The following PTPRD variants were observed in gnomAD, a reference collection of about 807,000 sequenced individuals.
PTPRD encodes receptor-type tyrosine-protein phosphatase delta.
Under a neutral mutation model 214.5 loss-of-function variants are expected in PTPRD, and 34 were observed. The observed-to-expected ratio is 0.16, with a 90% CI of 0.12 to 0.21. The LOEUF is 0.21. Among genes scored for constraint, PTPRD ranks in the 10% least tolerant of loss-of-function variants. The pLI is 1.00. For missense variants in PTPRD, 2,545 were observed against 2,398.7 expected, an observed-to-expected ratio of 1.06 and a Z score of -1.27; for synonymous variants, 1,128 against 845.7, an observed-to-expected ratio of 1.33 and a Z score of -5.79.
At chr9:10,567,177 T>C (rs2065890283) in intron 2 of PTPRD, among the ~76,000 whole-genome samples, 1 of 152,050 alleles carries the variant, frequency 6.6e-6, no homozygotes, top group Non-Finnish European at 1.5e-5. Flanking sequence ...ATACACTAAG[T>C]AATCTTTATA....
intron 37 of PTPRD, among the ~76,000 whole-genome samples, chr9:8,377,611 T>C (rs1401282041): frequency 1.3e-5 from 2 of 152,102 alleles, no homozygotes; most frequent in African/African-American, 4.8e-5. Context: ...TCAGACTTTT[T>C]TTTAATGGGA....
At chr9:10,583,011 T>C (rs1460421893) in intron 2 of PTPRD, among the ~76,000 whole-genome samples, 1 of 152,216 alleles carries the variant, frequency 6.6e-6, no homozygotes, top group East Asian at 1.9e-4. Flanking sequence ...ATTAGGCTAA[T>C]CTATAATTCA....
intron 11 of PTPRD, among the ~76,000 whole-genome samples, chr9:8,856,653 T>G (rs2097920903): frequency 6.6e-6 from 1 of 152,156 alleles, no homozygotes; most frequent in African/African-American, 2.4e-5. Flanking sequence ...CTGAGAATTT[T>G]AGAAAACGGA....
intron 3 of PTPRD, among the ~76,000 whole-genome samples, chr9:10,203,484 A>G (rs1345765023): frequency 2.6e-5 from 4 of 152,070 alleles, no homozygotes; most frequent in Non-Finnish European, 2.9e-5. Flanking sequence ...TGAAGCAGAA[A>G]CTTGAATGTT....
At chr9:8,375,054 A>G (rs1278537467) in intron 39 of PTPRD, among the ~76,000 whole-genome samples, 1 of 151,868 alleles carries the variant, frequency 6.6e-6, no homozygotes, top group Non-Finnish European at 1.5e-5. Context: ...CCAGACTTCT[A>G]TTTTACTTAT....
chr9:8,558,043 C>T (rs940531094), intron 14 of PTPRD, among the ~76,000 whole-genome samples: 40 of 152,056 alleles, frequency 2.6e-4, no homozygotes, highest in Non-Finnish European at 5.0e-4. Flanking sequence ...ATTTCTGCTA[C>T]AATAAGTGAG....
intron 8 of PTPRD, among the ~76,000 whole-genome samples, chr9:9,437,744 G>A (rs1325822433): frequency 2.6e-5 from 4 of 152,136 alleles, no homozygotes; most frequent in Non-Finnish European, 5.9e-5. Flanking sequence ...GATTTGACAC[G>A]GGACTGAGAT....
chr9:10,351,137 G>A (rs927335615), intron 2 of PTPRD, among the ~76,000 whole-genome samples: 7 of 152,012 alleles, frequency 4.6e-5, no homozygotes, highest in Non-Finnish European at 8.8e-5. Context: ...TAAAATTTGA[G>A]GCATTAAGCA....
chr9:10,136,009 C>T lies in PTPRD; in HGVS notation c.-544-102219G>A, dbSNP rs1477882151. Among the ~76,000 whole-genome samples, 4 of 151,160 alleles carry T rather than the reference C, an allele frequency of 2.6e-5. No individual in the cohort carries two copies. The East Asian group carries it at 7.8e-4, about 29-fold the overall frequency. On this transcript the variant is annotated intron_variant, in intron 3 of 45. Coordinates refer to ENST00000381196, the MANE Select transcript of PTPRD (RefSeq NM_002839.4). ...GAGACCCACGTCATATGTAATGACA[C>T]CCACAGGCTGAAAGAAAAGAAATGG...
chr9:10,162,408 CTG>C (rs2099132665), intron 3 of PTPRD, among the ~76,000 whole-genome samples: 1 of 150,864 alleles, frequency 6.6e-6, no homozygotes, highest in African/African-American at 2.4e-5. Flanking sequence ...ATTAATGAAA[CTG>C]TATATCATTA....
At chr9:8,988,257 C>T (rs900581780) in intron 11 of PTPRD, among the ~76,000 whole-genome samples, 1 of 152,034 alleles carries the variant, frequency 6.6e-6, no homozygotes, top group African/African-American at 2.4e-5. Flanking sequence ...AATTTCAGGT[C>T]ATTTAATATC....
Position 10,292,844 on chromosome 9 carries a change from G to A in PTPRD, c.-545+48119C>T, listed in dbSNP as rs78565933. Among the ~76,000 whole-genome samples the A allele has an allele frequency of 5.5e-3, 840 of 151,728 alleles. 5 individuals carry two copies. The highest frequency in any genetic ancestry group is 0.038 in the Middle Eastern group (11 of 292). ...TTTCTTCCATTTAATGTTACTGAATGAGGAACACTTAATGAGTGTTATAAT... is the reference window on the plus strand; with the variant it reads ...TTTCTTCCATTTAATGTTACTGAATAAGGAACACTTAATGAGTGTTATAAT... On this transcript the variant is annotated intron_variant, in intron 3 of 45. Transcript: ENST00000381196.
chr9:10,292,575 T>C lies in PTPRD; in HGVS notation c.-545+48388A>G, dbSNP rs76540359. On this transcript the variant is annotated intron_variant, in intron 3 of 45. Transcript: ENST00000381196. ...CCCAAAATAGCCCACAGAAAACATG[T>C]AACATAAGAGAGGAACCAACTGTTA... Among the ~76,000 whole-genome samples the C allele has an allele frequency of 6.8e-3, 1,030 of 152,066 alleles. 8 individuals are homozygous for C. The highest frequency in any genetic ancestry group is 0.023 in the African/African-American group (965 of 41,506).
At chr9:10,279,097 C>T (rs75078712) in intron 3 of PTPRD, among the ~76,000 whole-genome samples, 6,343 of 152,116 alleles carry the variant, frequency 0.042, 377 homozygotes, top group Admixed American at 0.16. Context: ...AAGTTTTTAA[C>T]GGAACTCTGC....
At chr9:8,581,913 C>CAAAAAAAAAAAAAAAAAAAA (rs36007156) in intron 14 of PTPRD, among the ~76,000 whole-genome samples, 8 of 34,962 alleles carry the variant, frequency 2.3e-4, no homozygotes, top group African/African-American at 3.3e-4. Flanking sequence ...ACTCAATCTC[C>CAAAAAAAAAAAAAAAAAAAA]AAAAAAAAAA....
chr9:8,619,058 C>G (rs2095718256), intron 14 of PTPRD, among the ~76,000 whole-genome samples: 1 of 151,248 alleles, frequency 6.6e-6, no homozygotes, highest in Admixed American at 6.6e-5. Context: ...CTGCACCCAG[C>G]CATACATTTA....
intron 4 of PTPRD, among the ~76,000 whole-genome samples, chr9:9,970,667 G>T (rs1186642786): frequency 5.9e-5 from 9 of 152,092 alleles, no homozygotes; most frequent in African/African-American, 2.2e-4. Flanking sequence ...CAGAGAACAT[G>T]AAGAAAGGGC....
intron 2 of PTPRD, among the ~76,000 whole-genome samples, chr9:10,363,708 C>T (rs1009222555): frequency 6.6e-6 from 1 of 152,090 alleles, no homozygotes; most frequent in Admixed American, 6.6e-5. Context: ...ATTCATGATT[C>T]CAGGATTTCA....
chr9:10,109,066 C>A (rs1010761536), intron 3 of PTPRD, among the ~76,000 whole-genome samples: 1 of 152,122 alleles, frequency 6.6e-6, no homozygotes, highest in East Asian at 1.9e-4. Flanking sequence ...GTATCAGAAA[C>A]CAACTAGCAT....
Sources: gnomAD v4.1 joint callset for allele counts (sites outside exome capture counted in the v4.1 genomes callset) on GRCh38, gnomAD v4.1.1 for gene constraint, MANE v1.5 for transcripts, NCBI Gene and HGNC (gene_info 2026-07-23, HGNC 2026-07-21) for gene names.